Variants in GRAMD2B observed in about 807,000 individuals in gnomAD.
GRAMD2B encodes the protein GRAM domain containing 2B, also known as GRAM domain-containing protein 2B.
Under a neutral mutation model 59.2 loss-of-function variants are expected in GRAMD2B, and 41 were observed. The observed-to-expected ratio is 0.69, with a 90% confidence interval of 0.54 to 0.90. The LOEUF is 0.90. GRAMD2B is among the 40% of genes least tolerant of loss of function. The probability of loss-of-function intolerance (pLI) is 0.00; values close to 1 mark genes in which losing one functional copy is unlikely to be tolerated. For synonymous variants in GRAMD2B, 161 were observed against 182.7 expected, an observed-to-expected ratio of 0.88 and a Z score of 0.96; for missense variants, 424 against 500.5, an observed-to-expected ratio of 0.85 and a Z score of 1.46.
chr5:126,362,795 A>G (rs758673335), intron 1 of GRAMD2B, among the ~76,000 whole-genome samples: 5 of 152,180 alleles, frequency 3.3e-5, no homozygotes, highest in Admixed American at 6.5e-5. Flanking sequence ...ATGAAATTGG[A>G]CCCCTACCTT....
chr5:126,444,566 C>A (rs1191647135), intron 1 of GRAMD2B, among the ~76,000 whole-genome samples: 1 of 152,122 alleles, frequency 6.6e-6, no homozygotes, highest in East Asian at 1.9e-4. Flanking sequence ...ACCTAGAATT[C>A]CATATTTTGT....
chr5:126,428,337 A>C (rs1487526583), intron 1 of GRAMD2B, among the ~76,000 whole-genome samples: 2 of 152,182 alleles, frequency 1.3e-5, no homozygotes, highest in Non-Finnish European at 2.9e-5. Flanking sequence ...GAAAACTCAT[A>C]TTTTAAAATG....
upstream of GRAMD2B, among the ~76,000 whole-genome samples, chr5:126,419,187 G>A (rs552158382): frequency 3.1e-4 from 47 of 152,250 alleles, no homozygotes; most frequent in Non-Finnish European, 5.1e-4. Flanking sequence ...AAAGAAAAGA[G>A]GTTTAATCAG....
rs79780416 is a variant in GRAMD2B at position 126,401,809 on chromosome 5, T to A, written c.125+30242T>A. The stretch of plus-strand genomic sequence containing the variant: ...TATTACACAGTGTTTTGGGTAGACA[T>A]TAAATACTGTATCTTGAGTAGACCA... On this transcript the variant is annotated intron_variant, in intron 1 of 8. Coordinates refer to the GRAMD2B transcript ENST00000506445. Among the ~76,000 whole-genome samples, 237 of 152,176 alleles carry A rather than the reference T, an allele frequency of 1.6e-3. 4 individuals carry two copies. In the East Asian group the frequency reaches 0.025, roughly 16 times the overall value.
Position 126,423,599 on chromosome 5 carries a change from C to T in GRAMD2B, c.-8C>T, listed in dbSNP as rs778303458. The T allele has an allele frequency of 1.2e-6, 2 of 1,610,628 alleles. No homozygotes were observed. The highest frequency in any genetic ancestry group is 2.2e-5 in the East Asian group (1 of 44,722). On this transcript the variant is annotated 5_prime_UTR_variant, in exon 1 of 14. It adds an upstream start codon to the 5' untranslated region. Transcript: ENST00000285689. ...GAAGTCTGAAGGTGCCCTCCAGACA[C>T]GGCCCCGATGACTGAACTACAGCAA... is the stretch of plus-strand genomic sequence containing the variant.
rs527521635 is a variant in GRAMD2B at position 126,377,724 on chromosome 5, T to C, written c.125+6157T>C. On this transcript the variant is annotated intron_variant, in intron 1 of 8. Coordinates refer to the GRAMD2B transcript ENST00000506445. ...GCTTCCAGGAATACTCCTACCACCC[T>C]CTAAGCCAATATGCCCTGCTCTGGG... Among the ~76,000 whole-genome samples, 265 of 152,324 alleles carry C rather than the reference T, an allele frequency of 1.7e-3. 3 individuals are homozygous for C. The highest frequency in any genetic ancestry group is 2.7e-3 in the Non-Finnish European group (183 of 68,024).
chr5:126,478,139 G>A (rs1288509402), intron 6 of GRAMD2B, among the ~76,000 whole-genome samples: 2 of 68,868 alleles, frequency 2.9e-5, no homozygotes, highest in Admixed American at 1.5e-4. Context: ...AGTCTTAAAG[G>A]GAAAAAAAAA....
intron 1 of GRAMD2B, among the ~76,000 whole-genome samples, chr5:126,416,332 T>C (rs556800530): frequency 6.6e-6 from 1 of 152,292 alleles, no homozygotes; most frequent in African/African-American, 2.4e-5. Context: ...TTCGCTTACT[T>C]CTTTTCTTCC....
chr5:126,480,378 C>A, intron 6 of GRAMD2B, 78 bp from the exon 7 acceptor site: 1 of 998,508 alleles, frequency 1.0e-6, no homozygotes. Flanking sequence ...AAGCTGTATA[C>A]AGATACTTTT....
rs1774333847 is a variant in GRAMD2B, at chr5:126,493,909, A to T, written c.*953A>T. On this transcript the variant is annotated 3_prime_UTR_variant, in exon 14 of 14. Coordinates refer to ENST00000285689, the MANE Select transcript of GRAMD2B (RefSeq NM_023927.4). ...AAATAAAATAACTGGTGGTTTGCTA[A>T]CTATTTACCATATGGGTTGGCTGGT... 6.5e-6 allele frequency: 1 copy of T among 152,770 alleles called. No individual in the cohort carries two copies. The highest frequency in any genetic ancestry group is 2.1e-4 in the South Asian group (1 of 4,828). 9.5% of individuals were successfully genotyped at this position (152,770 alleles called of 1,614,324 possible).
intron 1 of GRAMD2B, among the ~76,000 whole-genome samples, chr5:126,442,409 G>C (rs979670368): frequency 6.6e-6 from 1 of 150,996 alleles, no homozygotes; most frequent in Non-Finnish European, 1.5e-5. Flanking sequence ...TCCTGCCTCA[G>C]CCTCCCTAGT....
chr5:126,370,751 C>T (rs1018101322), upstream of GRAMD2B, among the ~76,000 whole-genome samples: 1 of 152,194 alleles, frequency 6.6e-6, no homozygotes, highest in Non-Finnish European at 1.5e-5. Context: ...TTCGAACTCT[C>T]GCTTCCTACT....
chr5:126,450,301 G>C (rs1181806730), intron 1 of GRAMD2B, among the ~76,000 whole-genome samples: 2 of 151,968 alleles, frequency 1.3e-5, no homozygotes, highest in African/African-American at 4.8e-5. Context: ...GTTTTTGTCT[G>C]TTTTAACCTA....
Position 126,423,447 on chromosome 5 carries a change from G to A in GRAMD2B, c.-160G>A. ...CCGACGTGTCCAGGTCCGCGGCCCC[G>A]GGAGCTTGGCGCGGCCCGGCCTGGA... On this transcript the variant is annotated 5_prime_UTR_variant, in exon 1 of 14. Transcript: ENST00000285689. 4 of 1,416,444 alleles carry A rather than the reference G, an allele frequency of 2.8e-6. No homozygotes were observed. Among genetic ancestry groups the A allele is most frequent in the East Asian group, 2.9e-5 (1 of 33,984 alleles). 87.7% of individuals were successfully genotyped at this position (1,416,444 alleles called of 1,614,324 possible).
intron 1 of GRAMD2B, among the ~76,000 whole-genome samples, chr5:126,436,914 A>G (rs893457233): frequency 6.6e-6 from 1 of 152,236 alleles, no homozygotes; most frequent in Admixed American, 6.5e-5. Flanking sequence ...AAAGTAGCCT[A>G]AAATAAGACA....
chr5:126,371,413 T>A (rs1754744154), exon 1 of GRAMD2B: 2 of 1,271,380 alleles, frequency 1.6e-6, no homozygotes, highest in Non-Finnish European at 2.0e-6. Flanking sequence ...TTTAAGGTTG[T>A]TCCTTGACTT....
chr5:126,434,674 C>T (rs746424365), intron 1 of GRAMD2B, among the ~76,000 whole-genome samples: 6 of 152,002 alleles, frequency 3.9e-5, no homozygotes, highest in African/African-American at 7.3e-5. Flanking sequence ...CCCGCCACCA[C>T]GCCCGGCTAA....
intron 2 of GRAMD2B, chr5:126,467,683 T>C (rs1768711051): frequency 6.6e-6 from 1 of 152,206 alleles, no homozygotes; most frequent in Non-Finnish European, 1.5e-5. Context: ...GATAATTTTA[T>C]TTTCAAATAG....
At chr5:126,482,199 T>C (rs1338781404) in intron 8 of GRAMD2B, among the ~76,000 whole-genome samples, 1 of 152,140 alleles carries the variant, frequency 6.6e-6, no homozygotes, top group Admixed American at 6.5e-5. Context: ...TGACTGCTAA[T>C]GGGTATGGGC....
Sources: allele counts gnomAD v4.1 joint callset (sites outside exome capture counted in the v4.1 genomes callset), GRCh38; gene constraint gnomAD v4.1.1; transcripts MANE v1.5; gene names NCBI Gene and HGNC (gene_info 2026-07-23, HGNC 2026-07-21).